The following RIT2 variants were observed in gnomAD, a reference collection of about 807,000 sequenced individuals.
The protein encoded by RIT2 is GTP-binding protein Rit2.
In RIT2, 24 loss-of-function variants were observed where a neutral mutation model predicts 23.7. That is an observed-to-expected ratio of 1.01 (90% confidence interval 0.73 to 1.43). The LOEUF (loss-of-function observed/expected upper bound fraction) is 1.43, where lower values mean the gene tolerates loss of function less well. Among genes scored for constraint, RIT2 ranks in the 40% most tolerant of loss-of-function variants. The pLI, the probability that RIT2 is intolerant of heterozygous loss-of-function variation, is 0.00. For missense variants in RIT2, 236 were observed against 266.9 expected (o/e 0.88, Z 0.81); for synonymous variants, 107 against 91.1 (o/e 1.17, Z -0.99).
At chr18:43,026,926 A>T (rs1911746561) in intron 2 of RIT2, among the ~76,000 whole-genome samples, 1 of 152,168 alleles carries the variant, frequency 6.6e-6, no homozygotes. Flanking sequence ...GACCAAATGC[A>T]AGAAGACCAA....
intron 1 of RIT2, among the ~76,000 whole-genome samples, chr18:43,114,495 G>T (rs1054641317): frequency 3.3e-5 from 5 of 151,728 alleles, no homozygotes; most frequent in African/African-American, 1.2e-4. Context: ...GATGCTTTTT[G>T]TCCATGCTAA....
intron 4 of RIT2, among the ~76,000 whole-genome samples, chr18:42,885,520 A>G (rs1179619997): frequency 6.6e-6 from 1 of 152,158 alleles, no homozygotes; most frequent in Non-Finnish European, 1.5e-5. Flanking sequence ...TGGGAGGCAG[A>G]GCTTGCAGTG....
intron 2 of RIT2, among the ~76,000 whole-genome samples, chr18:43,023,022 T>C (rs1042048890): frequency 6.6e-6 from 1 of 152,072 alleles, no homozygotes; most frequent in Non-Finnish European, 1.5e-5. Context: ...GCAAGACCAA[T>C]GCAGTCGTGA....
chr18:42,776,492 C>CA (rs1913675594), intron 4 of RIT2, among the ~76,000 whole-genome samples: 1 of 151,886 alleles, frequency 6.6e-6, no homozygotes. Flanking sequence ...GAAATTATAC[C>CA]AAAAAAGTAA....
chr18:42,750,621 A>G (rs148950983), intron 4 of RIT2, among the ~76,000 whole-genome samples: 4 of 151,966 alleles, frequency 2.6e-5, no homozygotes, highest in African/African-American at 9.6e-5. Flanking sequence ...ATGCTTTGTC[A>G]CAAAAAGTGA....
At chr18:42,748,155 G>A (rs940692655) in intron 4 of RIT2, among the ~76,000 whole-genome samples, 7 of 151,634 alleles carry the variant, frequency 4.6e-5, no homozygotes, top group South Asian at 2.1e-4. Context: ...AAGAAAACCC[G>A]CAAAGTGGAA....
intron 2 of RIT2, among the ~76,000 whole-genome samples, chr18:42,976,560 A>T (rs1482656567): frequency 6.6e-6 from 1 of 152,080 alleles, no homozygotes; most frequent in Non-Finnish European, 1.5e-5. Flanking sequence ...TGTAAAGGTA[A>T]CAATTATTTG....
At chr18:42,984,956 G>A (rs557557113) in intron 2 of RIT2, among the ~76,000 whole-genome samples, 2 of 151,918 alleles carry the variant, frequency 1.3e-5, no homozygotes, top group East Asian at 1.9e-4. Context: ...AATGATTGAT[G>A]TGAAAAAAAA....
chr18:43,033,372 C>T (rs1416219276), intron 2 of RIT2, among the ~76,000 whole-genome samples: 2 of 152,062 alleles, frequency 1.3e-5, no homozygotes, highest in Non-Finnish European at 2.9e-5. Flanking sequence ...AATATTATGT[C>T]TATATCTAAC....
At chr18:42,950,371 C>T (rs577149716) in intron 3 of RIT2, among the ~76,000 whole-genome samples, 12 of 152,152 alleles carry the variant, frequency 7.9e-5, no homozygotes, top group East Asian at 1.9e-4. Flanking sequence ...GGATCCCCAC[C>T]TTTCACCATT....
intron 1 of RIT2, among the ~76,000 whole-genome samples, chr18:43,070,361 C>CA (rs1363319601): frequency 6.6e-6 from 1 of 152,122 alleles, no homozygotes; most frequent in Non-Finnish European, 1.5e-5. Flanking sequence ...TTTCAGGAGA[C>CA]AAAACCTATG....
intron 4 of RIT2, among the ~76,000 whole-genome samples, chr18:42,802,977 T>C (rs1208677018): frequency 1.3e-5 from 2 of 152,186 alleles, no homozygotes; most frequent in Non-Finnish European, 2.9e-5. Context: ...GGCTCTGCCC[T>C]CTACCAGAAC....
intron 4 of RIT2, among the ~76,000 whole-genome samples, chr18:42,919,584 G>A (rs149616400): frequency 7.2e-5 from 11 of 152,076 alleles, no homozygotes; most frequent in Admixed American, 3.9e-4. Flanking sequence ...CATGATGGTG[G>A]GCACCTGTAA....
chr18:42,860,373 T>G (rs1907294607), intron 4 of RIT2, among the ~76,000 whole-genome samples: 2 of 152,338 alleles, frequency 1.3e-5, no homozygotes, highest in Admixed American at 6.5e-5. Flanking sequence ...CTTACAGAGA[T>G]TCAGACATTT....
At chr18:42,757,456 C>T (rs1396938183) in intron 4 of RIT2, among the ~76,000 whole-genome samples, 3 of 152,082 alleles carry the variant, frequency 2.0e-5, no homozygotes, top group Non-Finnish European at 4.4e-5. Flanking sequence ...CACAATCAAC[C>T]TATATATCTT....
At chr18:43,065,065 G>A (rs928861566) in intron 1 of RIT2, among the ~76,000 whole-genome samples, 2 of 151,818 alleles carry the variant, frequency 1.3e-5, no homozygotes, top group African/African-American at 2.4e-5. Context: ...TGATCTGCCC[G>A]CCTCAGCTTC....
rs1412051633 is a variant in RIT2 at position 43,077,108 on chromosome 18, A to AG, written c.103+38308_103+38309insC. On this transcript the variant is annotated intron_variant, in intron 1 of 4. Coordinates refer to ENST00000326695, the MANE Select transcript of RIT2 (RefSeq NM_002930.4). ...ACAGAGCGAGACTCCGTCTCAAAAA[A>AG]AAAAAAAAAAAAAAAGGCTCAAACA... is the stretch of plus-strand genomic sequence containing the variant. 1.9e-4 allele frequency among the ~76,000 whole-genome samples: 28 copies of AG among 149,302 alleles called. No individual in the cohort carries two copies. In the South Asian group the frequency reaches 3.4e-3, roughly 18 times the overall value.
rs1568043990 is a variant in RIT2 at position 42,974,093 on chromosome 18, A to T, written c.215T>A (p.Ile72Asn). The change falls in exon 3 of 5, where the codon ATC (isoleucine) becomes AAC (asparagine). Residue 72 changes from isoleucine (I) to asparagine (N), a missense_variant. By Grantham distance (149) the Ile-to-Asn change is moderately radical (BLOSUM62 -3). Coordinates refer to ENST00000326695, the MANE Select transcript of RIT2 (RefSeq NM_002930.4). Reference protein sequence around the residue: ...RIDNEPAYLDILDTAGQAEFT... With the variant: ...RIDNEPAYLDNLDTAGQAEFT... ...ACCTACCTGGCCAGCAGTGTCCAAG[A>T]TGTCCAAGTAAGCTGGCTCATTGTC... The T allele has an allele frequency of 1.9e-6, 3 of 1,611,404 alleles. No individual in the cohort carries two copies. The African/African-American group carries it at 4.0e-5, about 22-fold the overall frequency.
intron 4 of RIT2, among the ~76,000 whole-genome samples, chr18:42,837,093 A>T (rs1225127191): frequency 7.1e-6 from 1 of 140,988 alleles, no homozygotes; most frequent in African/African-American, 2.6e-5. Context: ...TCAACTGATT[A>T]TGCCCTTGAA....
Sources: allele counts gnomAD v4.1 joint callset (sites outside exome capture counted in the v4.1 genomes callset), GRCh38; gene constraint gnomAD v4.1.1; transcripts MANE v1.5; gene names NCBI Gene and HGNC (gene_info 2026-07-23, HGNC 2026-07-21).